Variants in DOCK4 observed in about 807,000 individuals in gnomAD.
The protein encoded by DOCK4 is dedicator of cytokinesis 4.
Under a neutral mutation model 268.1 loss-of-function variants are expected in DOCK4, and 97 were observed. That is an observed-to-expected ratio of 0.36 (90% CI 0.31 to 0.43). The LOEUF is 0.43. DOCK4 is among the 20% of genes least tolerant of loss of function. The pLI, the probability that DOCK4 is intolerant of heterozygous loss-of-function variation, is 1.00. For missense variants in DOCK4, 2,145 were observed against 2,455.7 expected, an observed-to-expected ratio of 0.87 and a Z score of 2.67; for synonymous variants, 954 against 887.2, an observed-to-expected ratio of 1.08 and a Z score of -1.34.
chr7:111,832,950 TACCAAAGC>T (rs1448761756), intron 26 of DOCK4, among the ~76,000 whole-genome samples: 1 of 152,244 alleles, frequency 6.6e-6, no homozygotes, highest in Non-Finnish European at 1.5e-5. Context: ...CTAACATGAA[TACCAAAGC>T]ATAAAACTCA....
In DOCK4 at chr7:112,150,330, T is replaced by A. The variant is rs965351472; in HGVS notation, c.37+55772A>T. Among the ~76,000 whole-genome samples, 2 of 152,174 alleles carry A rather than the reference T, an allele frequency of 1.3e-5. 1 individual carries two copies. The highest frequency in any genetic ancestry group is 6.3e-3 in the Middle Eastern group (2 of 316). ...AATTAGCCAATGACTAGGTAATTTA[T>A]GGGTACAGCCTCAAGTTAATCAATG... On this transcript the variant is annotated intron_variant, in intron 1 of 52. Transcript: ENST00000428084.
chr7:112,168,504 C>T (rs900465901), intron 1 of DOCK4, among the ~76,000 whole-genome samples: 20 of 152,120 alleles, frequency 1.3e-4, no homozygotes, highest in Non-Finnish European at 1.2e-4. Context: ...GCCAGGAGTT[C>T]GAGACCAGCC....
intron 35 of DOCK4, 105 bp downstream of exon 35, chr7:111,782,759 T>C: frequency 8.5e-7 from 1 of 1,182,504 alleles, no homozygotes; most frequent in South Asian, 1.3e-5. Context: ...ATAACTCTTC[T>C]AAGAAACATC....
intron 1 of DOCK4, among the ~76,000 whole-genome samples, chr7:112,084,167 C>A (rs532780035): frequency 6.6e-6 from 1 of 151,634 alleles, no homozygotes; most frequent in East Asian, 2.0e-4. Flanking sequence ...TGGCCCAGAA[C>A]ATGCCCAGCC....
intron 8 of DOCK4, among the ~76,000 whole-genome samples, chr7:111,947,402 G>A (rs1258519278): frequency 2.0e-5 from 3 of 152,132 alleles, no homozygotes; most frequent in African/African-American, 7.2e-5. Flanking sequence ...GTCTATTGCT[G>A]ACTTCTCATA....
intron 42 of DOCK4, among the ~76,000 whole-genome samples, chr7:111,752,578 GTTTTT>G (rs56037303): frequency 9.5e-4 from 78 of 82,208 alleles, no homozygotes; most frequent in Middle Eastern, 0.01. Flanking sequence ...ATCAGCTTAG[GTTTTT>G]TTTTTTTTTT....
chr7:112,055,846 T>C (rs1805767213), intron 1 of DOCK4, among the ~76,000 whole-genome samples: 1 of 151,362 alleles, frequency 6.6e-6, no homozygotes, highest in South Asian at 2.1e-4. Flanking sequence ...AGGCAGAGGC[T>C]GCAGTGAGCC....
intron 7 of DOCK4, among the ~76,000 whole-genome samples, chr7:111,979,320 GAGTA>G (rs1364905812): frequency 2.0e-5 from 3 of 152,182 alleles, no homozygotes; most frequent in Non-Finnish European, 2.9e-5. Context: ...TAAAAGTGGA[GAGTA>G]AGTAAGTTGT....
chr7:112,037,861 T>G (rs904827436), intron 1 of DOCK4, among the ~76,000 whole-genome samples: 1 of 152,212 alleles, frequency 6.6e-6, no homozygotes, highest in South Asian at 2.1e-4. Context: ...CCACCAGGAC[T>G]GTATGAAAGT....
rs73715476 is a variant in DOCK4 at position 112,134,911 on chromosome 7, A to T, written c.37+71191T>A. Reference sequence around the variant, plus strand: ...AGAATAAAAATAATACATCATAATAAAACACATTTACTTCAGTAATTTCCT... The same window carrying T: ...AGAATAAAAATAATACATCATAATATAACACATTTACTTCAGTAATTTCCT... On this transcript the variant is annotated intron_variant, in intron 1 of 52. Transcript: ENST00000428084. Among the ~76,000 whole-genome samples the T allele has an allele frequency of 2.7e-3, 405 of 152,312 alleles. 2 individuals are homozygous for T. The highest frequency in any genetic ancestry group is 9.0e-3 in the African/African-American group (374 of 41,568).
chr7:112,195,701 A>AG (rs1014572730), intron 1 of DOCK4, among the ~76,000 whole-genome samples: 1 of 129,774 alleles, frequency 7.7e-6, no homozygotes, highest in African/African-American at 2.8e-5. Context: ...CATTTTGGAG[A>AG]AAAAAAAAAA....
At chr7:111,912,486 A>C (rs529565365) in intron 13 of DOCK4, among the ~76,000 whole-genome samples, 2 of 152,258 alleles carry the variant, frequency 1.3e-5, no homozygotes, top group East Asian at 3.9e-4. Flanking sequence ...ACTTAAAAAA[A>C]CTCATTTCTT....
intron 1 of DOCK4, among the ~76,000 whole-genome samples, chr7:112,129,014 A>G (rs1313802817): frequency 6.6e-6 from 1 of 152,206 alleles, no homozygotes; most frequent in Non-Finnish European, 1.5e-5. Context: ...AAAACTAAAC[A>G]TGCACTTACA....
intron 8 of DOCK4, among the ~76,000 whole-genome samples, chr7:111,960,523 C>CTTTTTT (rs753880464): frequency 4.1e-4 from 32 of 78,460 alleles, no homozygotes; most frequent in Admixed American, 6.4e-4. Flanking sequence ...ACCTCATGTG[C>CTTTTTT]TTTTTTTTTT....
chr7:111,933,379 C>G (rs1157133448), intron 12 of DOCK4, among the ~76,000 whole-genome samples: 1 of 148,474 alleles, frequency 6.7e-6, no homozygotes, highest in Non-Finnish European at 1.5e-5. Flanking sequence ...ACTGCAACCT[C>G]CGACTCCCTG....
chr7:112,137,588 G>T (rs1023541195), intron 1 of DOCK4, among the ~76,000 whole-genome samples: 2 of 152,122 alleles, frequency 1.3e-5, no homozygotes, highest in African/African-American at 2.4e-5. Flanking sequence ...TTTTCTGAAA[G>T]GCAAATAAAA....
At chr7:112,137,348 T>C (rs1402569650) in intron 1 of DOCK4, among the ~76,000 whole-genome samples, 1 of 152,172 alleles carries the variant, frequency 6.6e-6, no homozygotes, top group Non-Finnish European at 1.5e-5. Flanking sequence ...GCTCCTGCTA[T>C]GCGTCAAGGC....
At chr7:111,774,897 A>G (rs189710147) in intron 36 of DOCK4, among the ~76,000 whole-genome samples, 110 of 152,192 alleles carry the variant, frequency 7.2e-4, no homozygotes, top group Non-Finnish European at 1.9e-4. Flanking sequence ...GCAATACACA[A>G]TACACAAATA....
At chr7:111,761,056 T>G (rs1439566234) in intron 39 of DOCK4, among the ~76,000 whole-genome samples, 1 of 142,548 alleles carries the variant, frequency 7.0e-6, no homozygotes, top group Non-Finnish European at 1.5e-5. Context: ...AACCAGGGCT[T>G]AAAGTCTTTT....
Sources: gnomAD v4.1 joint callset for allele counts (sites outside exome capture counted in the v4.1 genomes callset) on GRCh38, gnomAD v4.1.1 for gene constraint, MANE v1.5 for transcripts, NCBI Gene and HGNC (gene_info 2026-07-23, HGNC 2026-07-21) for gene names.